Variants in ADAMTSL3 observed in about 807,000 individuals in gnomAD.
ADAMTSL3 encodes the protein ADAMTS like 3, also known as ADAMTS-like protein 3.
In ADAMTSL3, 128 loss-of-function variants were observed where a neutral mutation model predicts 201.7. The ratio of observed to expected loss-of-function variants is 0.63; its 90% CI spans 0.55 to 0.73. ADAMTSL3 has a LOEUF of 0.73. ADAMTSL3 is among the 30% of genes least tolerant of loss of function. The probability of loss-of-function intolerance (pLI) is 0.00; values close to 1 mark genes in which losing one functional copy is unlikely to be tolerated. For missense variants in ADAMTSL3, 1,990 were observed against 2,119.6 expected (o/e 0.94, Z 1.20); for synonymous variants, 738 against 748.4 (o/e 0.99, Z 0.23).
chr15:84,009,291 G>C (rs1207626461), intron 23 of ADAMTSL3, among the ~76,000 whole-genome samples: 1 of 152,138 alleles, frequency 6.6e-6, no homozygotes, highest in African/African-American at 2.4e-5. Context: ...GCAGCCACAT[G>C]CTCTTTTACT....
At chr15:83,894,677 T>A (rs1015535016) in intron 13 of ADAMTSL3, among the ~76,000 whole-genome samples, 2 of 152,188 alleles carry the variant, frequency 1.3e-5, no homozygotes, top group Non-Finnish European at 2.9e-5. Flanking sequence ...AGTCTTTTTT[T>A]AATTACACTA....
At position 84,037,908 on chromosome 15, in the gene ADAMTSL3, A is replaced by G; in HGVS notation, c.*102A>G. ...AAAAACATGTATTTCTTAAAAGACTAGATTCTATGGATCAAACAGAGGTTG... is the reference window on the plus strand; with the variant it reads ...AAAAACATGTATTTCTTAAAAGACTGGATTCTATGGATCAAACAGAGGTTG... On this transcript the variant is annotated 3_prime_UTR_variant, in exon 30 of 30. Transcript: ENST00000286744. 2.8e-6 allele frequency: 4 copies of G among 1,452,912 alleles called. No homozygotes were observed. Among genetic ancestry groups the G allele is most frequent in the Non-Finnish European group, 3.6e-6 (4 of 1,100,076 alleles). 90.0% of individuals were successfully genotyped at this position (1,452,912 alleles called of 1,614,324 possible).
chr15:83,872,248 T>C (rs980815017), intron 9 of ADAMTSL3, among the ~76,000 whole-genome samples: 1 of 152,124 alleles, frequency 6.6e-6, no homozygotes, highest in Non-Finnish European at 1.5e-5. Flanking sequence ...TAAGTGACTG[T>C]AACTGAGGAA....
chr15:83,925,417 G>C (rs1431489527), intron 17 of ADAMTSL3, among the ~76,000 whole-genome samples: 1 of 152,172 alleles, frequency 6.6e-6, no homozygotes, highest in Non-Finnish European at 1.5e-5. Context: ...ATGCAGTAGA[G>C]GCCTGTAGAC....
chr15:83,804,359 G>A (rs1270160888), intron 4 of ADAMTSL3, among the ~76,000 whole-genome samples: 1 of 152,036 alleles, frequency 6.6e-6, no homozygotes, highest in East Asian at 1.9e-4. Flanking sequence ...CACACATATT[G>A]TACATTAATT....
At chr15:83,794,300 C>A (rs1177243548) in intron 4 of ADAMTSL3, among the ~76,000 whole-genome samples, 4 of 152,028 alleles carry the variant, frequency 2.6e-5, no homozygotes, top group Non-Finnish European at 4.4e-5. Flanking sequence ...CAATTGCACT[C>A]CTGGGCATTT....
rs1235931930 is a variant in ADAMTSL3, at chr15:83,819,886, T to TAA, written c.440_441insAA (p.Tyr147Ter). ...AYNDVQYQGH[Y>*]YEWLPRYNDP... ...CAATGATGTCCAGTATCAGGGGCAT[T>TAA]ACTATGAATGGCTTCCACGATATAA... The change falls in exon 6 of 30, where the codon TAC becomes TAAAC. Residue 147 changes from tyrosine to a stop codon, truncating the protein, a stop_gained and frameshift_variant. Coordinates refer to ENST00000286744, the MANE Select transcript of ADAMTSL3 (RefSeq NM_207517.3). LOFTEE classifies it high-confidence loss of function. 15 of 1,614,086 alleles carry TAA rather than the reference T, an allele frequency of 9.3e-6. No individual in the cohort carries two copies. The Middle Eastern group carries it at 6.6e-4, about 71-fold the overall frequency.
intron 27 of ADAMTSL3, among the ~76,000 whole-genome samples, chr15:84,030,032 C>T (rs1235909580): frequency 6.6e-6 from 1 of 152,220 alleles, no homozygotes; most frequent in African/African-American, 2.4e-5. Context: ...GTATGGAAAA[C>T]CCTAGATGTC....
At chr15:83,698,260 A>C (rs7167029) in intron 2 of ADAMTSL3, among the ~76,000 whole-genome samples, 42,596 of 151,944 alleles carry the variant, frequency 0.28, 6,190 homozygotes, top group South Asian at 0.49. Flanking sequence ...TACAATGTGT[A>C]GATCAAGGTC....
chr15:83,893,796 G>A (rs2065557690), intron 13 of ADAMTSL3, among the ~76,000 whole-genome samples: 1 of 151,988 alleles, frequency 6.6e-6, no homozygotes, highest in Non-Finnish European at 1.5e-5. Context: ...AAATGCAGCC[G>A]GATTAGTCAA....
chr15:83,802,023 C>A (rs2063532624), intron 4 of ADAMTSL3, among the ~76,000 whole-genome samples: 1 of 152,026 alleles, frequency 6.6e-6, no homozygotes, highest in African/African-American at 2.4e-5. Flanking sequence ...AATCAGATTT[C>A]TCCTCTGCAA....
chr15:83,801,830 C>T (rs2063530031), intron 4 of ADAMTSL3, among the ~76,000 whole-genome samples: 1 of 150,392 alleles, frequency 6.6e-6, no homozygotes, highest in South Asian at 2.1e-4. Flanking sequence ...TAATCAGCAG[C>T]ATTGTAAATA....
At chr15:83,926,118 AG>A (rs2066241575) in intron 17 of ADAMTSL3, among the ~76,000 whole-genome samples, 1 of 152,186 alleles carries the variant, frequency 6.6e-6, no homozygotes, top group Admixed American at 6.5e-5. Flanking sequence ...GAAGCCGGGG[AG>A]GTTGGTGCAG....
intron 3 of ADAMTSL3, among the ~76,000 whole-genome samples, chr15:83,714,761 C>CTCTTTCTTTCTTTCTT (rs767607321): frequency 2.4e-5 from 1 of 41,454 alleles, no homozygotes; most frequent in Non-Finnish European, 5.3e-5. Flanking sequence ...CTTCCCTTTT[C>CTCTTTCTTTCTTTCTT]TCTTTCTTTC....
intron 27 of ADAMTSL3, among the ~76,000 whole-genome samples, chr15:84,028,833 C>T (rs2068354564): frequency 6.6e-6 from 1 of 152,156 alleles, no homozygotes; most frequent in Admixed American, 6.5e-5. Context: ...GTCATGGGGG[C>T]AGTTTCCCCC....
chr15:83,971,128 T>G (rs1216904705), intron 20 of ADAMTSL3, among the ~76,000 whole-genome samples: 1 of 152,262 alleles, frequency 6.6e-6, no homozygotes, highest in Non-Finnish European at 1.5e-5. Context: ...CAATTAATTA[T>G]GAATAATGAG....
At chr15:83,875,388 C>T (rs2065158649) in intron 9 of ADAMTSL3, among the ~76,000 whole-genome samples, 1 of 152,200 alleles carries the variant, frequency 6.6e-6, no homozygotes, top group African/African-American at 2.4e-5. Flanking sequence ...AAGCTTGACC[C>T]AGAACTGGGG....
rs140976748 is a variant in ADAMTSL3 at position 83,750,388 on chromosome 15, A to G, written c.190-23135A>G. 2.6e-5 allele frequency among the ~76,000 whole-genome samples: 4 copies of G among 152,350 alleles called. 1 individual carries two copies. The South Asian group carries it at 8.3e-4, about 32-fold the overall frequency. On this transcript the variant is annotated intron_variant, in intron 3 of 29. Transcript: ENST00000286744. Reference sequence around the variant, plus strand: ...TACTTGTTGAGGACTTAAGTAAATTATATTTCTTTTTCCCTTGTAAGTTTT... The same window carrying G: ...TACTTGTTGAGGACTTAAGTAAATTGTATTTCTTTTTCCCTTGTAAGTTTT...
intron 10 of ADAMTSL3, among the ~76,000 whole-genome samples, chr15:83,888,295 C>A (rs1169918519): frequency 3.3e-5 from 5 of 152,166 alleles, no homozygotes; most frequent in African/African-American, 1.2e-4. Context: ...TTTGCTATTT[C>A]TAAACTGTGA....
Sources: gnomAD v4.1 joint callset for allele counts (sites outside exome capture counted in the v4.1 genomes callset) on GRCh38, gnomAD v4.1.1 for gene constraint, MANE v1.5 for transcripts, NCBI Gene and HGNC (gene_info 2026-07-23, HGNC 2026-07-21) for gene names.